The following SNTB1 variants were observed in gnomAD, a reference collection of about 807,000 sequenced individuals.
SNTB1 encodes syntrophin beta 1.
Under a neutral mutation model 48.9 loss-of-function variants are expected in SNTB1, and 36 were observed. The ratio of observed to expected loss-of-function variants is 0.74; its 90% CI spans 0.56 to 0.97. The LOEUF is 0.97. SNTB1 is among the 50% of genes least tolerant of loss of function. The pLI is 0.00. For missense variants in SNTB1, 786 were observed against 703.4 expected (o/e 1.12, Z -1.33); for synonymous variants, 299 against 294.6 (o/e 1.01, Z -0.15).
chr8:120,784,664 A>G (rs1819892240), intron 1 of SNTB1, among the ~76,000 whole-genome samples: 1 of 152,208 alleles, frequency 6.6e-6, no homozygotes, highest in South Asian at 2.1e-4. Flanking sequence ...AAAAATGGCA[A>G]TGATAGCTTT....
intron 2 of SNTB1, among the ~76,000 whole-genome samples, chr8:120,639,273 A>G (rs1186490383): frequency 6.6e-6 from 1 of 152,094 alleles, no homozygotes; most frequent in Non-Finnish European, 1.5e-5. Context: ...AGTTCTTTGT[A>G]GATTCTAGAT....
At chr8:120,726,912 A>G (rs983227176) in intron 1 of SNTB1, among the ~76,000 whole-genome samples, 3 of 152,340 alleles carry the variant, frequency 2.0e-5, no homozygotes, top group Non-Finnish European at 4.4e-5. Context: ...CTAATAGTCA[A>G]TCTGCAGTGC....
chr8:120,797,763 A>T (rs914542432), intron 1 of SNTB1, among the ~76,000 whole-genome samples: 2 of 151,784 alleles, frequency 1.3e-5, no homozygotes, highest in Non-Finnish European at 2.9e-5. Context: ...TACTGTACTA[A>T]GTTCTGTATT....
intron 1 of SNTB1, among the ~76,000 whole-genome samples, chr8:120,808,109 T>G (rs1203888872): frequency 6.6e-6 from 1 of 152,098 alleles, no homozygotes; most frequent in African/African-American, 2.4e-5. Flanking sequence ...AAGACAGGGT[T>G]TCACCATGTT....
chr8:120,574,549 G>T (rs1287115521), intron 4 of SNTB1, among the ~76,000 whole-genome samples: 3 of 152,080 alleles, frequency 2.0e-5, no homozygotes, highest in Admixed American at 1.3e-4. Flanking sequence ...GCTTTTTAAA[G>T]ACATATTTCA....
At chr8:120,621,113 C>A (rs780887332) in intron 3 of SNTB1, among the ~76,000 whole-genome samples, 8 of 152,168 alleles carry the variant, frequency 5.3e-5, no homozygotes, top group African/African-American at 7.2e-5. Flanking sequence ...GCACCCGACA[C>A]CATGCCCGGC....
intron 3 of SNTB1, among the ~76,000 whole-genome samples, chr8:120,624,434 T>A (rs1413062657): frequency 6.6e-6 from 1 of 152,182 alleles, no homozygotes; most frequent in African/African-American, 2.4e-5. Context: ...AGCCCAGTTC[T>A]GCAATAGCTA....
At chr8:120,594,013 A>G (rs544639594) in intron 3 of SNTB1, among the ~76,000 whole-genome samples, 3 of 152,248 alleles carry the variant, frequency 2.0e-5, no homozygotes, top group Non-Finnish European at 2.9e-5. Context: ...GTTATGTATT[A>G]TATATGTAAC....
intron 4 of SNTB1, among the ~76,000 whole-genome samples, chr8:120,565,301 T>C (rs1402143407): frequency 2.0e-5 from 3 of 152,220 alleles, no homozygotes; most frequent in African/African-American, 4.8e-5. Flanking sequence ...TGTCAAGCAC[T>C]ATTCTAAGCA....
At chr8:120,610,987 T>C (rs1033790427) in intron 3 of SNTB1, among the ~76,000 whole-genome samples, 3 of 152,072 alleles carry the variant, frequency 2.0e-5, no homozygotes, top group African/African-American at 7.2e-5. Flanking sequence ...CCCCAAAGAT[T>C]TGGGGGAAAA....
chr8:120,564,375 G>A (rs571727507), intron 4 of SNTB1, among the ~76,000 whole-genome samples: 5 of 148,580 alleles, frequency 3.4e-5, no homozygotes, highest in Non-Finnish European at 6.0e-5. Context: ...TAGGGCAGCC[G>A]TCCCAGGAAG....
At chr8:120,759,514 T>C (rs1819377540) in intron 1 of SNTB1, among the ~76,000 whole-genome samples, 1 of 152,210 alleles carries the variant, frequency 6.6e-6, no homozygotes, top group African/African-American at 2.4e-5. Context: ...GTATGCGTGT[T>C]TGAAAGTGGC....
chr8:120,750,453 T>C (rs1819192588), intron 1 of SNTB1, among the ~76,000 whole-genome samples: 1 of 152,142 alleles, frequency 6.6e-6, no homozygotes, highest in Non-Finnish European at 1.5e-5. Flanking sequence ...CTTATGTTGA[T>C]AACACACAAA....
intron 3 of SNTB1, among the ~76,000 whole-genome samples, chr8:120,587,837 C>T (rs1344227668): frequency 3.3e-5 from 5 of 152,252 alleles, no homozygotes; most frequent in South Asian, 2.1e-4. Context: ...AATTAGCCTC[C>T]TCTCGATGTG....
Position 120,539,112 on chromosome 8 carries a change from TC to T in SNTB1, c.1525-144del, listed in dbSNP as rs1815244875. ...AATTATGCTCTAAAATCACTGCCCC[TC>T]AATGAGATAAAGGAACAACTCTTTG... On this transcript the variant is annotated intron_variant, in intron 6 of 6. Coordinates refer to ENST00000517992, the MANE Select transcript of SNTB1 (RefSeq NM_021021.4). The T allele has an allele frequency of 5.0e-6, 3 of 605,158 alleles. No homozygotes were observed. In the South Asian group the frequency reaches 6.2e-5, roughly 13 times the overall value. 37.5% of individuals were successfully genotyped at this position (605,158 alleles called of 1,614,324 possible). A position where few individuals can be genotyped will look rare whatever the true frequency, so the allele number is the denominator to read the frequency against.
chr8:120,790,673 T>C (rs1211108125), intron 1 of SNTB1, among the ~76,000 whole-genome samples: 1 of 151,782 alleles, frequency 6.6e-6, no homozygotes, highest in Non-Finnish European at 1.5e-5. Flanking sequence ...CTTAGGAATT[T>C]ACTTAACCAA....
chr8:120,715,509 A>G (rs1170625362), intron 1 of SNTB1, among the ~76,000 whole-genome samples: 1 of 152,200 alleles, frequency 6.6e-6, no homozygotes, highest in Non-Finnish European at 1.5e-5. Flanking sequence ...AACAAAAAAA[A>G]CAAACTTGGG....
chr8:120,808,437 T>C (rs1820371839), intron 1 of SNTB1, among the ~76,000 whole-genome samples: 1 of 152,032 alleles, frequency 6.6e-6, no homozygotes, highest in South Asian at 2.1e-4. Context: ...CATTACACCA[T>C]AGTACAAAAA....
At chr8:120,579,328 G>C (rs1271392998) in intron 3 of SNTB1, among the ~76,000 whole-genome samples, 1 of 152,130 alleles carries the variant, frequency 6.6e-6, no homozygotes, top group Non-Finnish European at 1.5e-5. Flanking sequence ...CTCTAAGTGG[G>C]GTTGCTACTA....
Sources: allele counts gnomAD v4.1 joint callset (sites outside exome capture counted in the v4.1 genomes callset), GRCh38; gene constraint gnomAD v4.1.1; transcripts MANE v1.5; gene names NCBI Gene and HGNC (gene_info 2026-07-23, HGNC 2026-07-21).